PRKG1: variants seen among roughly 807,000 people sequenced by gnomAD.
The protein encoded by PRKG1 is protein kinase cGMP-dependent 1.
In PRKG1, 35 loss-of-function variants were observed where a neutral mutation model predicts 88.1. That is an observed-to-expected ratio of 0.40 (90% CI 0.30 to 0.53). The LOEUF (loss-of-function observed/expected upper bound fraction) is 0.53, where lower values mean the gene tolerates loss of function less well. Among genes scored for constraint, PRKG1 ranks in the 20% least tolerant of loss-of-function variants. The pLI is 0.59. For synonymous variants in PRKG1, 303 were observed against 292.5 expected, an observed-to-expected ratio of 1.04 and a Z score of -0.37; for missense variants, 540 against 839.8, an observed-to-expected ratio of 0.64 and a Z score of 4.41.
At chr10:52,119,714 T>C (rs910062316) in intron 7 of PRKG1, among the ~76,000 whole-genome samples, 1 of 152,254 alleles carries the variant, frequency 6.6e-6, no homozygotes, top group African/African-American at 2.4e-5. Flanking sequence ...TTGTCCTGTC[T>C]TGATCTGTTT....
chr10:51,458,735 G>A (rs1048796074), intron 2 of PRKG1, among the ~76,000 whole-genome samples: 1 of 152,150 alleles, frequency 6.6e-6, no homozygotes, highest in African/African-American at 2.4e-5. Flanking sequence ...AAAAGGACAT[G>A]TAATCTCTGA....
intron 2 of PRKG1, among the ~76,000 whole-genome samples, chr10:51,163,770 C>T (rs931251807): frequency 7.2e-5 from 11 of 152,222 alleles, no homozygotes; most frequent in East Asian, 5.8e-4. Context: ...GAGGGTCCTA[C>T]GCCCACGGAG....
At chr10:51,528,416 A>G (rs189452692) in intron 3 of PRKG1, among the ~76,000 whole-genome samples, 168 of 138,254 alleles carry the variant, frequency 1.2e-3, no homozygotes, top group African/African-American at 4.0e-3. Context: ...GTCTAAATAC[A>G]CTTTTTTCCC....
At chr10:51,013,549 C>G (rs906143187) in intron 1 of PRKG1, among the ~76,000 whole-genome samples, 3 of 152,072 alleles carry the variant, frequency 2.0e-5, no homozygotes, top group Non-Finnish European at 4.4e-5. Flanking sequence ...TGCCACCACA[C>G]CTGGCTAAGT....
intron 3 of PRKG1, among the ~76,000 whole-genome samples, chr10:51,639,459 A>AAAG (rs1839742492): frequency 6.9e-6 from 1 of 145,496 alleles, no homozygotes; most frequent in African/African-American, 2.6e-5. Flanking sequence ...AAAAAAAAAA[A>AAAG]AAAAAAAAAA....
At chr10:51,107,648 AC>A (rs1212927394) in intron 1 of PRKG1, among the ~76,000 whole-genome samples, 4 of 151,630 alleles carry the variant, frequency 2.6e-5, no homozygotes, top group Non-Finnish European at 5.9e-5. Flanking sequence ...ACACAGTGAG[AC>A]CCCATATCTA....
At chr10:52,271,112 G>A (rs1020794027) in intron 10 of PRKG1, among the ~76,000 whole-genome samples, 4 of 151,934 alleles carry the variant, frequency 2.6e-5, no homozygotes, top group South Asian at 2.1e-4. Flanking sequence ...TAATCCACAC[G>A]TGAACACAAT....
chr10:51,974,007 G>T (rs563415639), intron 5 of PRKG1, among the ~76,000 whole-genome samples: 1 of 152,190 alleles, frequency 6.6e-6, no homozygotes, highest in South Asian at 2.1e-4. Flanking sequence ...TTGGAATGCA[G>T]TTACATTCAT....
At chr10:51,847,284 C>T (rs1840423883) in intron 4 of PRKG1, among the ~76,000 whole-genome samples, 1 of 152,122 alleles carries the variant, frequency 6.6e-6, no homozygotes, top group Non-Finnish European at 1.5e-5. Flanking sequence ...TCACTCAAAA[C>T]CACAAATGCA....
intron 3 of PRKG1, among the ~76,000 whole-genome samples, chr10:51,686,797 G>A (rs1394418165): frequency 6.6e-6 from 1 of 152,124 alleles, no homozygotes; most frequent in Admixed American, 6.6e-5. Flanking sequence ...GTGCAGTGGT[G>A]CAATCTTGGC....
chr10:51,013,684 C>T (rs1843021926), intron 1 of PRKG1, among the ~76,000 whole-genome samples: 1 of 152,138 alleles, frequency 6.6e-6, no homozygotes, highest in Non-Finnish European at 1.5e-5. Flanking sequence ...GCCACTGCGC[C>T]CGGCCCTGTA....
intron 3 of PRKG1, among the ~76,000 whole-genome samples, chr10:51,539,848 G>T (rs1236005743): frequency 6.6e-6 from 1 of 152,050 alleles, no homozygotes; most frequent in Non-Finnish European, 1.5e-5. Context: ...TTTCATTTCT[G>T]ACATGTTTAC....
At chr10:51,744,142 C>A (rs1314321585) in intron 3 of PRKG1, among the ~76,000 whole-genome samples, 2 of 151,902 alleles carry the variant, frequency 1.3e-5, no homozygotes, top group Non-Finnish European at 2.9e-5. Flanking sequence ...TAGTAATAAA[C>A]TAACATTTAT....
At chr10:51,505,714 C>T (rs1317561849) in intron 3 of PRKG1, among the ~76,000 whole-genome samples, 2 of 152,050 alleles carry the variant, frequency 1.3e-5, no homozygotes, top group African/African-American at 2.4e-5. Context: ...GTGCATGTGT[C>T]GAGGAATTTA....
chr10:51,811,515 G>A (rs895362451), intron 4 of PRKG1, among the ~76,000 whole-genome samples: 6 of 152,152 alleles, frequency 3.9e-5, no homozygotes, highest in African/African-American at 1.4e-4. Flanking sequence ...GTTGTGAGGA[G>A]TGTGAAAGTT....
chr10:52,292,921 C>G (rs1842287121), intron 17 of PRKG1, among the ~76,000 whole-genome samples: 1 of 152,016 alleles, frequency 6.6e-6, no homozygotes, highest in African/African-American at 2.4e-5. Context: ...GGCAATTAGG[C>G]AGGAGAAGTA....
intron 2 of PRKG1, among the ~76,000 whole-genome samples, chr10:51,220,910 A>C (rs1231789218): frequency 1.3e-5 from 2 of 152,078 alleles, no homozygotes; most frequent in Non-Finnish European, 2.9e-5. Flanking sequence ...ATTGAAAAGG[A>C]ATAAGAAACA....
At chr10:51,040,309 C>CTTT (rs1222819203) in intron 1 of PRKG1, among the ~76,000 whole-genome samples, 1 of 65,718 alleles carries the variant, frequency 1.5e-5, no homozygotes, top group African/African-American at 4.7e-5. Context: ...TTTTCTTTTT[C>CTTT]TCTTTTTTTT....
chr10:51,056,443 A>G (rs1843627140), intron 1 of PRKG1, among the ~76,000 whole-genome samples: 1 of 152,212 alleles, frequency 6.6e-6, no homozygotes. Flanking sequence ...CTTGTTTATT[A>G]TAAGAACAAT....
Sources: allele counts gnomAD v4.1 joint callset (sites outside exome capture counted in the v4.1 genomes callset), GRCh38; gene constraint gnomAD v4.1.1; transcripts MANE v1.5; gene names NCBI Gene and HGNC (gene_info 2026-07-23, HGNC 2026-07-21).